Variants in POU6F2 observed in about 807,000 individuals in gnomAD.
POU6F2 encodes the protein POU class 6 homeobox 2, also known as POU domain, class 6, transcription factor 2.
Under a neutral mutation model 71.3 loss-of-function variants are expected in POU6F2, and 31 were observed. The ratio of observed to expected loss-of-function variants is 0.43; its 90% CI spans 0.33 to 0.59. The LOEUF (loss-of-function observed/expected upper bound fraction) is 0.59, where lower values mean the gene tolerates loss of function less well. Ranked by LOEUF, POU6F2 falls within the 20% of genes least tolerant of loss-of-function variation. The pLI, the probability that POU6F2 is intolerant of heterozygous loss-of-function variation, is 0.04. For synonymous variants in POU6F2, 347 were observed against 355.7 expected, an observed-to-expected ratio of 0.98 and a Z score of 0.27; for missense variants, 783 against 856.8, an observed-to-expected ratio of 0.91 and a Z score of 1.07.
intron 2 of POU6F2, among the ~76,000 whole-genome samples, chr7:39,176,514 C>T (rs1793333011): frequency 6.6e-6 from 1 of 152,084 alleles, no homozygotes; most frequent in Non-Finnish European, 1.5e-5. Flanking sequence ...CAGGTTGGAC[C>T]AATGAGGCAA....
chr7:39,247,448 C>T (rs1184519988), intron 4 of POU6F2, among the ~76,000 whole-genome samples: 1 of 151,190 alleles, frequency 6.6e-6, no homozygotes, highest in East Asian at 2.0e-4. Context: ...GAGACTCTGT[C>T]TCAAAGAAAA....
intron 4 of POU6F2, among the ~76,000 whole-genome samples, chr7:39,208,254 A>G (rs1487049712): frequency 2.6e-5 from 4 of 152,156 alleles, no homozygotes; most frequent in African/African-American, 9.7e-5. Context: ...GAAGGTTTTG[A>G]CTTTTCTTTA....
intron 5 of POU6F2, among the ~76,000 whole-genome samples, chr7:39,399,882 A>G (rs1787259419): frequency 6.6e-6 from 1 of 151,864 alleles, no homozygotes; most frequent in South Asian, 2.1e-4. Context: ...GAAAGAAAGA[A>G]AGAAAAAGAA....
At chr7:39,231,945 C>T (rs1794584604) in intron 4 of POU6F2, among the ~76,000 whole-genome samples, 1 of 152,086 alleles carries the variant, frequency 6.6e-6, no homozygotes, top group Admixed American at 6.5e-5. Context: ...ATCCCAGAGC[C>T]CCTGTCCATG....
chr7:39,209,497 A>G (rs1293806979), intron 4 of POU6F2, among the ~76,000 whole-genome samples: 1 of 152,178 alleles, frequency 6.6e-6, no homozygotes. Flanking sequence ...GGTTATTAGA[A>G]TAAATCACCT....
At chr7:39,175,008 T>A (rs906861119) in intron 2 of POU6F2, among the ~76,000 whole-genome samples, 1 of 152,180 alleles carries the variant, frequency 6.6e-6, no homozygotes, top group Non-Finnish European at 1.5e-5. Context: ...CTGTTGTCTA[T>A]TCCCTCCATC....
intron 2 of POU6F2, among the ~76,000 whole-genome samples, chr7:39,174,180 C>T (rs1373648841): frequency 6.6e-6 from 1 of 152,192 alleles, no homozygotes; most frequent in Non-Finnish European, 1.5e-5. Context: ...GCTGGAATCC[C>T]AAGTCCTTTG....
chr7:39,330,088 T>C (rs1317109278), intron 4 of POU6F2, among the ~76,000 whole-genome samples: 1 of 152,220 alleles, frequency 6.6e-6, no homozygotes, highest in East Asian at 1.9e-4. Context: ...TCAGGATTAC[T>C]CCCCAGGAGA....
intron 1 of POU6F2, among the ~76,000 whole-genome samples, chr7:39,058,887 C>G (rs1562689393): frequency 6.6e-6 from 1 of 152,108 alleles, no homozygotes; most frequent in Non-Finnish European, 1.5e-5. Context: ...CTGCTGACTA[C>G]AAACCAACAC....
intron 4 of POU6F2, among the ~76,000 whole-genome samples, chr7:39,294,457 A>G (rs184129786): frequency 6.6e-6 from 1 of 151,742 alleles, no homozygotes; most frequent in African/African-American, 2.4e-5. Context: ...ACTTTGGATA[A>G]GCAAAACAAA....
chr7:39,045,181 T>A (rs1296774405), intron 1 of POU6F2, among the ~76,000 whole-genome samples: 1 of 151,924 alleles, frequency 6.6e-6, no homozygotes, highest in Non-Finnish European at 1.5e-5. Flanking sequence ...CTCAGAGCAA[T>A]AAGCATCGCG....
chr7:39,232,345 A>T (rs1279095205), intron 4 of POU6F2, among the ~76,000 whole-genome samples: 1 of 152,174 alleles, frequency 6.6e-6, no homozygotes, highest in Non-Finnish European at 1.5e-5. Flanking sequence ...GAAGATAACC[A>T]AGTGCTGCTT....
chr7:39,043,948 A>G (rs1790242047), intron 1 of POU6F2, among the ~76,000 whole-genome samples: 1 of 151,878 alleles, frequency 6.6e-6, no homozygotes, highest in Non-Finnish European at 1.5e-5. Context: ...GTACAAAATT[A>G]TTGGGAAATA....
At chr7:39,326,398 T>C (rs1785503950) in intron 4 of POU6F2, among the ~76,000 whole-genome samples, 1 of 152,256 alleles carries the variant, frequency 6.6e-6, no homozygotes, top group Non-Finnish European at 1.5e-5. Flanking sequence ...CTACTAGTTC[T>C]TGTGTGAAGG....
At chr7:39,240,051 C>T (rs1207113472) in intron 4 of POU6F2, among the ~76,000 whole-genome samples, 1 of 152,038 alleles carries the variant, frequency 6.6e-6, no homozygotes. Context: ...CTTTGAAGGA[C>T]CAGGAAAGGA....
chr7:39,321,462 C>T (rs1246720461), intron 4 of POU6F2, among the ~76,000 whole-genome samples: 1 of 152,058 alleles, frequency 6.6e-6, no homozygotes, highest in Non-Finnish European at 1.5e-5. Context: ...TGAGGTTACA[C>T]CCAGAAGAAT....
At chr7:39,416,502 A>G (rs1787679030) in intron 6 of POU6F2, among the ~76,000 whole-genome samples, 1 of 152,214 alleles carries the variant, frequency 6.6e-6, no homozygotes, top group African/African-American at 2.4e-5. Flanking sequence ...TTGTTGTCCC[A>G]CACAGCACAG....
At chr7:38,979,773 C>T (rs931606480) in intron 1 of POU6F2, among the ~76,000 whole-genome samples, 2 of 152,108 alleles carry the variant, frequency 1.3e-5, no homozygotes, top group African/African-American at 4.8e-5. Flanking sequence ...CAGGTCCTGT[C>T]TTCTGTATGG....
At chr7:39,240,774 A>T (rs1783711332) in intron 4 of POU6F2, among the ~76,000 whole-genome samples, 1 of 152,096 alleles carries the variant, frequency 6.6e-6, no homozygotes, top group African/African-American at 2.4e-5. Context: ...AATACTAATG[A>T]AGTTTTTGTT....
Sources: allele counts gnomAD v4.1 joint callset (sites outside exome capture counted in the v4.1 genomes callset), GRCh38; gene constraint gnomAD v4.1.1; transcripts MANE v1.5; gene names NCBI Gene and HGNC (gene_info 2026-07-23, HGNC 2026-07-21).